RNF150: variants seen among roughly 807,000 people sequenced by gnomAD.
The protein encoded by RNF150 is ring finger protein 150.
In RNF150, 24 loss-of-function variants were observed where a neutral mutation model predicts 39.3. That is an observed-to-expected ratio of 0.61 (90% CI 0.44 to 0.86). The LOEUF is 0.86. Ranked by LOEUF, RNF150 falls within the 40% of genes least tolerant of loss-of-function variation. The pLI is 0.00. For missense variants in RNF150, 502 were observed against 587.8 expected, an observed-to-expected ratio of 0.85 and a Z score of 1.51; for synonymous variants, 255 against 227.3, an observed-to-expected ratio of 1.12 and a Z score of -1.10.
At chr4:141,176,543 T>TA (rs1727817925) in intron 1 of RNF150, among the ~76,000 whole-genome samples, 1 of 152,108 alleles carries the variant, frequency 6.6e-6, no homozygotes, top group African/African-American at 2.4e-5. Context: ...ACAAAGCAGG[T>TA]AAAAATCTGA....
intron 6 of RNF150, 47 bp downstream of exon 6, chr4:140,911,097 G>A (rs746805037): frequency 3.4e-6 from 5 of 1,475,968 alleles, no homozygotes; most frequent in Non-Finnish European, 3.8e-6. Context: ...ATTCCTACAA[G>A]GCAACAGTCC....
Position 140,899,944 on chromosome 4 carries a change from TTCTCTCTCTC to T in RNF150, c.1198+11190_1198+11199del, listed in dbSNP as rs60297205. 4.6e-4 allele frequency among the ~76,000 whole-genome samples: 51 copies of T among 110,118 alleles called. 2 individuals are homozygous for T. Among genetic ancestry groups the T allele is most frequent in the African/African-American group, 1.7e-3 (48 of 28,014 alleles). The allele number at this position is 110,118 out of a possible 152,430, so 72.2% of individuals were successfully genotyped here. On this transcript the variant is annotated intron_variant, in intron 6 of 6. Coordinates refer to ENST00000515673, the MANE Select transcript of RNF150 (RefSeq NM_020724.2). ...ATCCTAGTAGGTTCTCTCTCTCACTTTCTCTCTCTCTCTCTCTCTCTCTCTCTCTCTGTGT... is the reference window on the plus strand; with the variant it reads ...ATCCTAGTAGGTTCTCTCTCTCACTTTCTCTCTCTCTCTCTCTCTCTGTGT...
At chr4:141,191,569 T>A (rs1354509667) in intron 1 of RNF150, among the ~76,000 whole-genome samples, 1 of 152,234 alleles carries the variant, frequency 6.6e-6, no homozygotes, top group African/African-American at 2.4e-5. Context: ...ATTTGGAGAA[T>A]GTTGTGACTT....
At chr4:140,991,147 T>C (rs1478098377) in intron 1 of RNF150, among the ~76,000 whole-genome samples, 8 of 152,244 alleles carry the variant, frequency 5.3e-5, no homozygotes, top group Non-Finnish European at 1.2e-4. Flanking sequence ...ATGTCTTCTT[T>C]TGAGAAGTAT....
At chr4:140,914,181 G>A (rs1197015343) in intron 5 of RNF150, among the ~76,000 whole-genome samples, 13 of 152,214 alleles carry the variant, frequency 8.5e-5, no homozygotes, top group Admixed American at 5.2e-4. Context: ...TAACAGAGTG[G>A]GTAGAGGGCA....
chr4:141,124,079 C>T (rs1051839662), intron 1 of RNF150, among the ~76,000 whole-genome samples: 4 of 152,194 alleles, frequency 2.6e-5, no homozygotes, highest in African/African-American at 9.6e-5. Context: ...ATGAATACCC[C>T]GAAGGAAAAA....
chr4:140,919,719 G>A (rs76487296), intron 5 of RNF150, among the ~76,000 whole-genome samples: 82,873 of 151,126 alleles, frequency 0.55, 23,256 homozygotes, highest in East Asian at 0.89. Context: ...AAAAGAGCCC[G>A]CATTGCCAAG....
At position 140,860,191 on chromosome 4, in the gene RNF150, AAGGAGT is replaced by A. The variant is rs1025817232; in HGVS notation, c.*8064_*8069del. 3 of 151,650 alleles carry A rather than the reference AAGGAGT, an allele frequency of 2.0e-5. No homozygotes were observed. Among genetic ancestry groups the A allele is most frequent in the African/African-American group, 2.4e-5 (1 of 41,214 alleles). 9.4% of individuals were successfully genotyped at this position (151,650 alleles called of 1,614,324 possible). Reference sequence around the variant, plus strand: ...TCAAGAGGGATATAAAGTGCTCTGAAAGGAGTAGGGTAGGTGCCTGAGGTGGGGAAG... The same window carrying A: ...TCAAGAGGGATATAAAGTGCTCTGAAAGGGTAGGTGCCTGAGGTGGGGAAG... On this transcript the variant is annotated 3_prime_UTR_variant, in exon 7 of 7. Coordinates refer to ENST00000515673, the MANE Select transcript of RNF150 (RefSeq NM_020724.2).
At chr4:140,987,769 T>C (rs1432040160) in intron 1 of RNF150, among the ~76,000 whole-genome samples, 2 of 152,132 alleles carry the variant, frequency 1.3e-5, no homozygotes, top group Admixed American at 1.3e-4. Flanking sequence ...GGGACATAGT[T>C]AAACTAAACA....
intron 1 of RNF150, among the ~76,000 whole-genome samples, chr4:141,009,449 G>A (rs1329254705): frequency 6.6e-6 from 1 of 152,180 alleles, no homozygotes; most frequent in Non-Finnish European, 1.5e-5. Context: ...TGGACAAAAT[G>A]ATTAGTGTGT....
At position 140,893,716 on chromosome 4, in the gene RNF150, C is replaced by T. The variant is rs144023509; in HGVS notation, c.1198+17428G>A. Among the ~76,000 whole-genome samples the T allele has an allele frequency of 2.9e-3, 441 of 152,094 alleles. 2 individuals carry two copies. The highest frequency in any genetic ancestry group is 3.4e-3 in the Non-Finnish European group (231 of 67,998). Reference sequence around the variant, plus strand: ...GGTGTGAATAAGCCAGTTGTTCTGGCGGGGGCTTGTGAAGCTTAAAAATGA... The same window carrying T: ...GGTGTGAATAAGCCAGTTGTTCTGGTGGGGGCTTGTGAAGCTTAAAAATGA... On this transcript the variant is annotated intron_variant, in intron 6 of 6. Transcript: ENST00000515673.
In RNF150 at chr4:140,899,974, C is replaced by CTG. The variant is rs71852763; in HGVS notation, c.1198+11168_1198+11169dup. 7.6e-3 allele frequency among the ~76,000 whole-genome samples: 523 copies of CTG among 69,196 alleles called. 12 individuals are homozygous for CTG. Among genetic ancestry groups the CTG allele is most frequent in the African/African-American group, 0.02 (475 of 23,174 alleles). 45.4% of individuals were successfully genotyped at this position (69,196 alleles called of 152,430 possible). A position where few individuals can be genotyped will look rare whatever the true frequency, so the allele number is the denominator to read the frequency against. On this transcript the variant is annotated intron_variant, in intron 6 of 6. Coordinates refer to ENST00000515673, the MANE Select transcript of RNF150 (RefSeq NM_020724.2). ...TCTCTCTCTCTCTCTCTCTCTCTCT[C>CTG]TGTGTGTGTGTGTGTGTGTGTGTGT...
chr4:140,860,219 G>A lies in RNF150; in HGVS notation c.*8042C>T, dbSNP rs1449054069. On this transcript the variant is annotated 3_prime_UTR_variant, in exon 7 of 7. Transcript: ENST00000515673. ...GAGTAGGGTAGGTGCCTGAGGTGGG[G>A]AAGAAGGAAAGAAATTTATACAGAA... is the stretch of plus-strand genomic sequence containing the variant. 2 of 151,864 alleles carry A rather than the reference G, an allele frequency of 1.3e-5. No homozygotes were observed. The highest frequency in any genetic ancestry group is 2.9e-5 in the Non-Finnish European group (2 of 68,010). 9.4% of individuals were successfully genotyped at this position (151,864 alleles called of 1,614,324 possible). A position where few individuals can be genotyped will look rare whatever the true frequency, so the allele number is the denominator to read the frequency against.
intron 1 of RNF150, among the ~76,000 whole-genome samples, chr4:141,206,419 CA>C (rs58176149): frequency 0.047 from 3,041 of 64,190 alleles, 89 homozygotes; most frequent in African/African-American, 0.15. Flanking sequence ...GACTCAATCT[CA>C]AAAAAAAAAA....
At chr4:140,963,192 C>T (rs1471261325) in intron 2 of RNF150, among the ~76,000 whole-genome samples, 1 of 151,810 alleles carries the variant, frequency 6.6e-6, no homozygotes, top group Non-Finnish European at 1.5e-5. Flanking sequence ...TAAACATTGT[C>T]CCAGAAGCTA....
intron 1 of RNF150, among the ~76,000 whole-genome samples, chr4:140,984,027 C>T (rs917160055): frequency 6.6e-6 from 1 of 151,974 alleles, no homozygotes; most frequent in Admixed American, 6.6e-5. Flanking sequence ...GGTGTCAGCC[C>T]CGTGCCCAGC....
Position 141,073,457 on chromosome 4 carries a change from G to A in RNF150, c.484+58868C>T, listed in dbSNP as rs576610115. Among the ~76,000 whole-genome samples, 8 of 152,118 alleles carry A rather than the reference G, an allele frequency of 5.3e-5. No individual in the cohort carries two copies. In the South Asian group the frequency reaches 1.7e-3, roughly 32 times the overall value. On this transcript the variant is annotated intron_variant, in intron 1 of 6. Transcript: ENST00000515673. ...GCCTCAGTATTTAAATTTTTATAGTGGCAATAATCTCCCCGCTTCCATTTC... is the reference window on the plus strand; with the variant it reads ...GCCTCAGTATTTAAATTTTTATAGTAGCAATAATCTCCCCGCTTCCATTTC...
chr4:140,910,895 CTGTGATG>C (rs1730571443), intron 6 of RNF150, among the ~76,000 whole-genome samples: 1 of 152,116 alleles, frequency 6.6e-6, no homozygotes, highest in African/African-American at 2.4e-5. Context: ...GTGTGCAATG[CTGTGATG>C]TGTGAGCCCT....
At chr4:141,066,654 T>C (rs1427176914) in intron 1 of RNF150, among the ~76,000 whole-genome samples, 1 of 152,254 alleles carries the variant, frequency 6.6e-6, no homozygotes, top group Non-Finnish European at 1.5e-5. Context: ...TTGCAAAGCA[T>C]ATTTTCCCCA....
Sources: gnomAD v4.1 joint callset for allele counts (sites outside exome capture counted in the v4.1 genomes callset) on GRCh38, gnomAD v4.1.1 for gene constraint, MANE v1.5 for transcripts, NCBI Gene and HGNC (gene_info 2026-07-23, HGNC 2026-07-21) for gene names.